Variants in BYSL observed in about 807,000 individuals in gnomAD.
BYSL encodes bystin like, also known as bystin.
Under a neutral mutation model 45.4 loss-of-function variants are expected in BYSL, and 21 were observed. The ratio of observed to expected loss-of-function variants is 0.46; its 90% CI spans 0.33 to 0.67. The LOEUF is 0.67. Among genes scored for constraint, BYSL ranks in the 30% least tolerant of loss-of-function variants. The pLI is 0.02. For synonymous variants in BYSL, 215 were observed against 231.3 expected (o/e 0.93, Z 0.64); for missense variants, 522 against 578.5 (o/e 0.90, Z 1.00).
At chr6:41,930,803 A>G in intron 4 of BYSL, 35 bp downstream of exon 4, 1 of 1,597,686 alleles carries the variant, frequency 6.3e-7, no homozygotes, top group Non-Finnish European at 8.5e-7. Flanking sequence ...CCTTGGGTTT[A>G]TAGGTGCAGG....
chr6:41,917,481 G>C (rs1341395028), upstream of BYSL: 3 of 238,402 alleles, frequency 1.3e-5, no homozygotes, highest in East Asian at 3.2e-4. Context: ...ATCTGTAACT[G>C]AATGTGAACA....
chr6:41,929,669 A>G (rs1388491416), intron 2 of BYSL, among the ~76,000 whole-genome samples: 4 of 152,242 alleles, frequency 2.6e-5, no homozygotes, highest in African/African-American at 9.6e-5. Context: ...ATTTCCATAG[A>G]TAACGCTTAC....
upstream of BYSL, chr6:41,917,021 A>G (rs1775332505): frequency 6.7e-7 from 1 of 1,485,334 alleles, no homozygotes; most frequent in Non-Finnish European, 9.3e-7. Context: ...ACAGCATCAC[A>G]GCTCATCAGG....
Position 41,928,946 on chromosome 6 carries a change from T to G in BYSL, c.432-1186T>G, listed in dbSNP as rs150615697. On this transcript the variant is annotated intron_variant, in intron 2 of 6. Coordinates refer to ENST00000230340, the MANE Select transcript of BYSL (RefSeq NM_004053.4). Reference sequence around the variant, plus strand: ...AAGAGGAGCAGTTTGTTTTTTGTTTTGTTTTGTGACAGGATCTCACTCTGT... The same window carrying G: ...AAGAGGAGCAGTTTGTTTTTTGTTTGGTTTTGTGACAGGATCTCACTCTGT... 6.3e-3 allele frequency among the ~76,000 whole-genome samples: 966 copies of G among 152,310 alleles called. 8 individuals carry two copies. Among genetic ancestry groups the G allele is most frequent in the African/African-American group, 0.02 (845 of 41,570 alleles).
the BYSL span, chr6:41,909,192 G>A: frequency 1.4e-6 from 2 of 1,472,160 alleles, no homozygotes; most frequent in Non-Finnish European, 1.8e-6. Flanking sequence ...AAAAAGAGAA[G>A]AACTGGAAAA....
At chr6:41,925,849 G>C (rs769026840) in intron 1 of BYSL, among the ~76,000 whole-genome samples, 1 of 151,590 alleles carries the variant, frequency 6.6e-6, no homozygotes, top group Non-Finnish European at 1.5e-5. Context: ...ACCAAGCCCG[G>C]CTAATTTTGT....
chr6:41,911,296 G>A, the BYSL span, among the ~76,000 whole-genome samples: 1 of 151,642 alleles, frequency 6.6e-6, no homozygotes, highest in South Asian at 2.1e-4. Context: ...GATTATAGGT[G>A]TGAGCCACCA....
Position 41,921,760 on chromosome 6 carries a change from G to A in BYSL, c.198G>A (p.Gln66=). Residue 66 remains glutamine (Q), a synonymous_variant, in exon 1 of 7, where the codon CAG becomes CAA. Transcript: ENST00000230340. ...RRILQQARQQ[Q]EELEAEHGTG... is the part of the protein sequence containing the mutation. ...TTTTGCAGCAAGCACGGCAGCAACA[G>A]GAGGAACTCGAGGCCGAGCATGGGA... 6.2e-7 allele frequency: 1 copy of A among 1,613,602 alleles called. No individual in the cohort carries two copies. The highest frequency in any genetic ancestry group is 8.5e-7 in the Non-Finnish European group (1 of 1,179,924).
chr6:41,930,388 C>G, intron 3 of BYSL, 118 bp downstream of exon 3: 1 of 1,390,306 alleles, frequency 7.2e-7, no homozygotes, highest in Non-Finnish European at 9.6e-7. Flanking sequence ...GAGTAGAAAA[C>G]AGACCTAAGA....
At chr6:41,913,382 C>T in the BYSL span, among the ~76,000 whole-genome samples, 1 of 152,158 alleles carries the variant, frequency 6.6e-6, no homozygotes, top group South Asian at 2.1e-4. Flanking sequence ...TAGACTGTGG[C>T]TTCTTGAAAG....
intron 1 of BYSL, among the ~76,000 whole-genome samples, chr6:41,925,086 T>C (rs1002824516): frequency 3.4e-4 from 52 of 152,066 alleles, no homozygotes; most frequent in African/African-American, 1.3e-3. Flanking sequence ...AGATTTGAGG[T>C]GCCTGTGAGT....
rs150728329 is a variant in BYSL at position 41,932,420 on chromosome 6, G to T, written c.1028G>T (p.Arg343Leu). The change falls in exon 7 of 7, where the codon CGA becomes CTA. Residue 343 changes from arginine (R) to leucine (L), a missense_variant. Coordinates refer to ENST00000230340, the MANE Select transcript of BYSL (RefSeq NM_004053.4). The surrounding 1 kb of genome is among the most constrained non-coding windows in gnomAD (Gnocchi z 4.7). ...EYSGANSIFL[R>L]LLLDKKYALP... ...AGCGGTGCCAACAGCATCTTCCTGC[G>T]ACTGCTGCTGGATAAGAAGTATGCA... The T allele has an allele frequency of 4.3e-6, 7 of 1,613,956 alleles. No homozygotes were observed. Among genetic ancestry groups the T allele is most frequent in the South Asian group, 1.1e-5 (1 of 91,060 alleles).
chr6:41,927,860 C>G (rs1291294498), intron 2 of BYSL, among the ~76,000 whole-genome samples: 1 of 152,144 alleles, frequency 6.6e-6, no homozygotes, highest in African/African-American at 2.4e-5. Context: ...TAGCGGTAAG[C>G]TCAACTTCCT....
the BYSL span, among the ~76,000 whole-genome samples, chr6:41,911,291 T>C: frequency 3.3e-5 from 5 of 151,660 alleles, no homozygotes; most frequent in Non-Finnish European, 7.4e-5. Context: ...GCTGGGATTA[T>C]AGGTGTGAGC....
At chr6:41,920,772 A>C, upstream of BYSL, 1 of 475,100 alleles carries the variant, frequency 2.1e-6, no homozygotes, top group Admixed American at 4.2e-5. Flanking sequence ...CCCGTCTTAA[A>C]AAAAACAAAA....
upstream of BYSL, chr6:41,920,700 G>GCGGA (rs1775439033): frequency 3.4e-6 from 1 of 295,730 alleles, no homozygotes; most frequent in Middle Eastern, 9.0e-4. Context: ...AACCCAAGAG[G>GCGGA]CGGAGTGTTG....
rs1018423673 is a variant in BYSL, at chr6:41,930,054, G to A, written c.432-78G>A. The stretch of plus-strand genomic sequence containing the variant: ...GGCGGTGCTCACAGGGGACTGTGGG[G>A]AGTCTGGAGCTTCCTGGACAGTGAC... On this transcript the variant is annotated intron_variant, in intron 2 of 6. Coordinates refer to ENST00000230340, the MANE Select transcript of BYSL (RefSeq NM_004053.4). 24 of 1,563,904 alleles carry A rather than the reference G, an allele frequency of 1.5e-5. No individual in the cohort carries two copies. The African/African-American group carries it at 3.2e-4, about 21-fold the overall frequency.
At chr6:41,921,868 CAGT>C in intron 1 of BYSL, 38 bp downstream of exon 1, 1 of 1,585,472 alleles carries the variant, frequency 6.3e-7, no homozygotes, top group South Asian at 1.1e-5. Context: ...AGACAGTGGC[CAGT>C]AGTGGGGCGG....
intron 1 of BYSL, among the ~76,000 whole-genome samples, chr6:41,923,632 C>T (rs933025563): frequency 1.5e-4 from 23 of 152,110 alleles, no homozygotes; most frequent in African/African-American, 4.8e-4. Context: ...TGAGGTCTCA[C>T]AGTGGTGCCC....
Sources: gnomAD v4.1 joint callset for allele counts (sites outside exome capture counted in the v4.1 genomes callset) on GRCh38, gnomAD v4.1.1 for gene constraint, Gnocchi (gnomAD v3.1) non-coding constraint, MANE v1.5 for transcripts, NCBI Gene and HGNC (gene_info 2026-07-23, HGNC 2026-07-21) for gene names.